Variants in LRRC8B observed in about 807,000 individuals in gnomAD.
LRRC8B encodes volume-regulated anion channel subunit LRRC8B.
LRRC8B carries 23 observed loss-of-function variants against 58.8 expected under a neutral mutation model. That is an observed-to-expected ratio of 0.39 (90% CI 0.28 to 0.55). The LOEUF (loss-of-function observed/expected upper bound fraction) is 0.55. Among genes scored for constraint, LRRC8B ranks in the 20% least tolerant of loss-of-function variants. The pLI is 0.62. For missense variants in LRRC8B, 694 were observed against 936.0 expected, an observed-to-expected ratio of 0.74 and a Z score of 3.37; for synonymous variants, 359 against 374.1, an observed-to-expected ratio of 0.96 and a Z score of 0.47.
chr1:89,582,718 G>T lies in LRRC8B; in HGVS notation c.68G>T (p.Trp23Leu). ...TCATCTTATCACATCTTAAAACCAT[G>T]GTGGGACGTCTTCTGGTATTACATC... Reference protein sequence around the residue: ...AQSSYHILKPWWDVFWYYITL... With the variant: ...AQSSYHILKPLWDVFWYYITL... Residue 23 changes from tryptophan (W) to leucine (L), a missense_variant, in exon 5 of 6, where the codon TGG (tryptophan) becomes TTG (leucine). Coordinates refer to ENST00000330947, the MANE Select transcript of LRRC8B (RefSeq NM_001369817.2). 1.2e-6 allele frequency: 2 copies of T among 1,614,152 alleles called. No homozygotes were observed. Among genetic ancestry groups the T allele is most frequent in the Non-Finnish European group, 8.5e-7 (1 of 1,180,024 alleles).
intron 5 of LRRC8B, 67 bp from the exon 6 acceptor site, chr1:89,592,704 A>C (rs1655061213): frequency 7.4e-7 from 1 of 1,349,798 alleles, no homozygotes; most frequent in Non-Finnish European, 1.0e-6. Flanking sequence ...TTTGGAAAAA[A>C]GGTAAATGTC....
chr1:89,530,082 C>T (rs1272966276), intron 1 of LRRC8B, among the ~76,000 whole-genome samples: 1 of 151,942 alleles, frequency 6.6e-6, no homozygotes, highest in Non-Finnish European at 1.5e-5. Context: ...GGCATGGTGG[C>T]TCACACCTGT....
intron 1 of LRRC8B, among the ~76,000 whole-genome samples, chr1:89,549,572 A>G (rs1173738274): frequency 3.3e-5 from 5 of 152,134 alleles, no homozygotes; most frequent in Admixed American, 6.6e-5. Context: ...TTCCAATTCT[A>G]TTTATCTCCA....
At chr1:89,575,704 T>C (rs1653793170) in intron 3 of LRRC8B, among the ~76,000 whole-genome samples, 1 of 152,170 alleles carries the variant, frequency 6.6e-6, no homozygotes, top group Admixed American at 6.5e-5. Flanking sequence ...TTTTTGTACA[T>C]TTAATTATTA....
In LRRC8B at chr1:89,592,869, G is replaced by C; in HGVS notation, c.2238G>C (p.Glu746Asp). Residue 746 changes from glutamate (E) to aspartate (D), a missense_variant, in exon 6 of 6, where the codon GAG (glutamate) becomes GAC (aspartate). Glu to Asp is a conservative substitution (Grantham distance 45). Transcript: ENST00000330947. ...SLMNLSPHVGELSNLTHLELI... is the reference protein window; with the variant it reads ...SLMNLSPHVGDLSNLTHLELI... Reference sequence around the variant, plus strand: ...TGAATTTGTCCCCTCATGTGGGTGAGCTGTCAAACCTTACTCATCTGGAGC... The same window carrying C: ...TGAATTTGTCCCCTCATGTGGGTGACCTGTCAAACCTTACTCATCTGGAGC... The C allele has an allele frequency of 1.2e-6, 2 of 1,614,052 alleles. No individual in the cohort carries two copies. The highest frequency in any genetic ancestry group is 1.7e-6 in the Non-Finnish European group (2 of 1,180,006).
chr1:89,534,537 ACACT>A (rs1650383354), intron 1 of LRRC8B, among the ~76,000 whole-genome samples: 1 of 151,942 alleles, frequency 6.6e-6, no homozygotes. Context: ...ACACACACAC[ACACT>A]CAGTATACTT....
At chr1:89,546,020 T>C (rs935014093) in intron 1 of LRRC8B, among the ~76,000 whole-genome samples, 1 of 152,210 alleles carries the variant, frequency 6.6e-6, no homozygotes, top group East Asian at 1.9e-4. Context: ...GGGACCCTTA[T>C]AATATTATTC....
intron 1 of LRRC8B, among the ~76,000 whole-genome samples, chr1:89,541,450 G>C (rs544721372): frequency 9.2e-5 from 14 of 151,544 alleles, no homozygotes; most frequent in Non-Finnish European, 1.5e-4. Flanking sequence ...GGTGGCTCAC[G>C]CCTGTAATCC....
In LRRC8B at chr1:89,593,167, G is replaced by C. The variant is rs1279842153; in HGVS notation, c.*124G>C. On this transcript the variant is annotated 3_prime_UTR_variant, in exon 6 of 6. Coordinates refer to ENST00000330947, the MANE Select transcript of LRRC8B (RefSeq NM_001369817.2). ...AGATGGGCGGATTGCTTGAGGTCAG[G>C]AGTTCGAGACCAGTCTGGCCAACCT... The C allele has an allele frequency of 3.3e-5, 32 of 957,080 alleles. No individual in the cohort carries two copies. The highest frequency in any genetic ancestry group is 3.3e-4 in the Middle Eastern group (1 of 3,058). 59.3% of individuals were successfully genotyped at this position (957,080 alleles called of 1,614,324 possible). A position where few individuals can be genotyped will look rare whatever the true frequency, so the allele number is the denominator to read the frequency against.
chr1:89,530,404 TATA>T (rs1650040484), intron 1 of LRRC8B, among the ~76,000 whole-genome samples: 1 of 147,470 alleles, frequency 6.8e-6, no homozygotes, highest in Admixed American at 6.9e-5. Flanking sequence ...AATAAGAGTA[TATA>T]ATAATATAAC....
chr1:89,559,603 C>CA lies in LRRC8B; in HGVS notation c.-240-8631dup, dbSNP rs1204800773. ...TAAATGACAGAGTGAGACCCTGTCT[C>CA]AAAAAAAAAAAAATATATATATATA... On this transcript the variant is annotated intron_variant, in intron 1 of 5. Transcript: ENST00000330947. Among the ~76,000 whole-genome samples the CA allele has an allele frequency of 9.0e-3, 1,180 of 131,266 alleles. 20 individuals are homozygous for CA. The highest frequency in any genetic ancestry group is 0.05 in the East Asian group (221 of 4,426). 86.1% of individuals were successfully genotyped at this position (131,266 alleles called of 152,430 possible).
chr1:89,541,636 G>A (rs1279276556), intron 1 of LRRC8B, among the ~76,000 whole-genome samples: 2 of 144,184 alleles, frequency 1.4e-5, no homozygotes, highest in Non-Finnish European at 3.0e-5. Flanking sequence ...GCGTGAACCC[G>A]GGAGGCGGAG....
intron 1 of LRRC8B, among the ~76,000 whole-genome samples, chr1:89,525,330 C>T (rs1649589912): frequency 6.6e-6 from 1 of 152,294 alleles, no homozygotes; most frequent in South Asian, 2.1e-4. Flanking sequence ...CCTCTCTTTC[C>T]CCCGGGAGTC....
intron 3 of LRRC8B, among the ~76,000 whole-genome samples, chr1:89,577,233 T>C (rs1226497365): frequency 1.7e-4 from 26 of 152,164 alleles, no homozygotes; most frequent in Admixed American, 1.7e-3. Context: ...TGATCATCAT[T>C]TGTTTATTTT....
intron 1 of LRRC8B, among the ~76,000 whole-genome samples, chr1:89,561,869 G>A (rs1241962313): frequency 2.0e-5 from 3 of 151,698 alleles, no homozygotes; most frequent in East Asian, 1.9e-4. Flanking sequence ...TTGGCAATGC[G>A]GGCTCTTTTT....
At chr1:89,579,992 C>T (rs1654107429) in intron 4 of LRRC8B, among the ~76,000 whole-genome samples, 1 of 152,150 alleles carries the variant, frequency 6.6e-6, no homozygotes, top group Non-Finnish European at 1.5e-5. Context: ...AGATTCTGCT[C>T]AGGACATAGA....
intron 1 of LRRC8B, among the ~76,000 whole-genome samples, chr1:89,546,384 G>A (rs1651406350): frequency 2.0e-5 from 3 of 152,168 alleles, no homozygotes; most frequent in Admixed American, 6.5e-5. Flanking sequence ...CAGATCTAAT[G>A]TGCCATATTC....
intron 1 of LRRC8B, among the ~76,000 whole-genome samples, chr1:89,526,772 T>C (rs1649735279): frequency 6.6e-6 from 1 of 152,234 alleles, no homozygotes; most frequent in Non-Finnish European, 1.5e-5. Context: ...TAAATCTGCA[T>C]GTCGGAATTA....
chr1:89,540,458 T>A (rs1227911355), intron 1 of LRRC8B, among the ~76,000 whole-genome samples: 1 of 152,218 alleles, frequency 6.6e-6, no homozygotes, highest in Non-Finnish European at 1.5e-5. Flanking sequence ...AAAATATGTC[T>A]GAATCAACCC....
Sources: allele counts gnomAD v4.1 joint callset (sites outside exome capture counted in the v4.1 genomes callset), GRCh38; gene constraint gnomAD v4.1.1; transcripts MANE v1.5; gene names NCBI Gene and HGNC (gene_info 2026-07-23, HGNC 2026-07-21).